Variants in DNAJC6 observed in about 807,000 individuals in gnomAD.
DNAJC6 encodes the protein DnaJ heat shock protein family (Hsp40) member C6.
Under a neutral mutation model 110.0 loss-of-function variants are expected in DNAJC6, and 34 were observed. The observed-to-expected ratio is 0.31, with a 90% CI of 0.24 to 0.41. The LOEUF (loss-of-function observed/expected upper bound fraction) is 0.41, where lower values mean the gene tolerates loss of function less well. DNAJC6 is among the 10% of genes least tolerant of loss of function. The probability of loss-of-function intolerance (pLI) is 1.00; values close to 1 mark genes in which losing one functional copy is unlikely to be tolerated. For missense variants in DNAJC6, 1,031 were observed against 1,207.8 expected (o/e 0.85, Z 2.17); for synonymous variants, 406 against 437.2 (o/e 0.93, Z 0.89).
chr1:65,379,130 A>C (rs1645794117), intron 4 of DNAJC6, among the ~76,000 whole-genome samples: 1 of 152,244 alleles, frequency 6.6e-6, no homozygotes, highest in Non-Finnish European at 1.5e-5. Flanking sequence ...GAATAGAAAA[A>C]AATCCAAGGA....
At chr1:65,322,259 T>A (rs2101418797) in intron 1 of DNAJC6, among the ~76,000 whole-genome samples, 1 of 152,276 alleles carries the variant, frequency 6.6e-6, no homozygotes, top group Non-Finnish European at 1.5e-5. Context: ...GTGATACAGG[T>A]TAATGAAAAG....
At chr1:65,394,827 A>C in intron 12 of DNAJC6, 71 bp from the exon 13 acceptor site, 6 of 1,502,786 alleles carry the variant, frequency 4.0e-6, no homozygotes, top group Non-Finnish European at 4.4e-6. Flanking sequence ...CCCTACAGGA[A>C]GTGACAATTC....
chr1:65,275,828 CTTG>C (rs1166867546), intron 1 of DNAJC6, among the ~76,000 whole-genome samples: 5 of 150,450 alleles, frequency 3.3e-5, no homozygotes, highest in Admixed American at 6.6e-5. Flanking sequence ...CTATGTTTAA[CTTG>C]TTGTTACAGA....
chr1:65,409,605 A>G (rs755402273), intron 17 of DNAJC6, among the ~76,000 whole-genome samples: 1 of 152,136 alleles, frequency 6.6e-6, no homozygotes, highest in African/African-American at 2.4e-5. Flanking sequence ...TGAAGCCCCC[A>G]GGATCTTTTC....
At chr1:65,366,238 A>C in intron 4 of DNAJC6, 42 bp downstream of exon 4, 1 of 1,604,940 alleles carries the variant, frequency 6.2e-7, no homozygotes, top group Non-Finnish European at 8.5e-7. Context: ...TGAAGACGTG[A>C]TGGTGCTTTT....
intron 13 of DNAJC6, among the ~76,000 whole-genome samples, chr1:65,396,479 G>C (rs907084888): frequency 6.6e-6 from 1 of 151,984 alleles, no homozygotes; most frequent in Non-Finnish European, 1.5e-5. Flanking sequence ...AGCTGTACTG[G>C]CCTCTTTGCT....
At chr1:65,343,117 C>A (rs1353275231) in intron 1 of DNAJC6, among the ~76,000 whole-genome samples, 1 of 152,188 alleles carries the variant, frequency 6.6e-6, no homozygotes, top group Non-Finnish European at 1.5e-5. Flanking sequence ...ATATACCACC[C>A]AGTTCTGTGA....
upstream of DNAJC6, among the ~76,000 whole-genome samples, chr1:65,309,310 C>T (rs1048631591): frequency 4.8e-5 from 7 of 146,554 alleles, no homozygotes; most frequent in Non-Finnish European, 1.1e-4. Flanking sequence ...CCCCTCCCTT[C>T]CTACCTCCCT....
intron 1 of DNAJC6, among the ~76,000 whole-genome samples, chr1:65,290,288 A>G (rs1263048325): frequency 1.3e-5 from 2 of 152,120 alleles, no homozygotes; most frequent in Non-Finnish European, 2.9e-5. Flanking sequence ...GTATTGGAAA[A>G]ATCTTCTGTC....
At chr1:65,373,090 A>G (rs114905590) in intron 4 of DNAJC6, among the ~76,000 whole-genome samples, 167 of 152,198 alleles carry the variant, frequency 1.1e-3, no homozygotes, top group Non-Finnish European at 2.0e-3. Flanking sequence ...GGGTTATTTC[A>G]GTTATAATGG....
At chr1:65,308,161 A>G (rs1645061986), upstream of DNAJC6, among the ~76,000 whole-genome samples, 1 of 152,178 alleles carries the variant, frequency 6.6e-6, no homozygotes, top group African/African-American at 2.4e-5. Context: ...GAAGTCTCTT[A>G]GATGCTATTG....
chr1:65,264,887 T>C, exon 1 of DNAJC6: 1 of 1,612,802 alleles, frequency 6.2e-7, no homozygotes, highest in South Asian at 1.1e-5. Context: ...CCTGCTCATT[T>C]GCAGCAGAGG....
intron 1 of DNAJC6, among the ~76,000 whole-genome samples, chr1:65,292,387 C>T (rs1412212419): frequency 5.3e-5 from 8 of 149,606 alleles, no homozygotes; most frequent in East Asian, 2.0e-4. Context: ...CTGGAAAACA[C>T]GTTTGTATTA....
In DNAJC6 at chr1:65,405,950, G is replaced by T. The variant is rs773936171; in HGVS notation, c.2308G>T (p.Ala770Ser). 6.2e-7 allele frequency: 1 copy of T among 1,614,064 alleles called. No homozygotes were observed. Among genetic ancestry groups the T allele is most frequent in the African/African-American group, 1.3e-5 (1 of 74,920 alleles). ...GFPPLSSPQK[A>S]SPQPMGGGWQ... ...CCCGCCTCTCAGCTCGCCACAGAAGGCGTCTCCCCAGCCTATGGGTGGCGG... is the reference window on the plus strand; with the variant it reads ...CCCGCCTCTCAGCTCGCCACAGAAGTCGTCTCCCCAGCCTATGGGTGGCGG... Residue 770 changes from alanine to serine, a missense_variant, in exon 16 of 19, where the codon GCG becomes TCG. Physicochemically the swap from Ala to Ser is moderately conservative, Grantham distance 99. Coordinates refer to ENST00000371069, the MANE Select transcript of DNAJC6 (RefSeq NM_001256864.2).
At chr1:65,306,969 TG>T (rs1171715304), upstream of DNAJC6, among the ~76,000 whole-genome samples, 49 of 122,296 alleles carry the variant, frequency 4.0e-4, no homozygotes, top group African/African-American at 1.6e-3. Flanking sequence ...TCTCTCAATC[TG>T]TTTCTCTCTC....
At chr1:65,352,488 G>GAC (rs776013544) in intron 1 of DNAJC6, among the ~76,000 whole-genome samples, 5 of 152,174 alleles carry the variant, frequency 3.3e-5, no homozygotes, top group Non-Finnish European at 7.3e-5. Flanking sequence ...ACCTCTTTGA[G>GAC]ACACAGTTCC....
At position 65,389,291 on chromosome 1, in the gene DNAJC6, A is replaced by G; in HGVS notation, c.1229A>G (p.Tyr410Cys). 1 of 1,614,116 alleles carries G rather than the reference A, an allele frequency of 6.2e-7. No homozygotes were observed. The highest frequency in any genetic ancestry group is 8.5e-7 in the Non-Finnish European group (1 of 1,180,006). The change falls in exon 10 of 19, where the codon TAT becomes TGT. Residue 410 changes from tyrosine to cysteine, a missense_variant. Coordinates refer to ENST00000371069, the MANE Select transcript of DNAJC6 (RefSeq NM_001256864.2). Reference protein sequence around the residue: ...ELDACDVPEKYPQLFQVTLDV... With the variant: ...ELDACDVPEKCPQLFQVTLDV... Reference sequence around the variant, plus strand: ...GATGCATGTGATGTACCAGAAAAATATCCTCAGCTATTTCAGGTGACACTG... The same window carrying G: ...GATGCATGTGATGTACCAGAAAAATGTCCTCAGCTATTTCAGGTGACACTG...
chr1:65,385,454 T>A (rs992421716), intron 6 of DNAJC6, among the ~76,000 whole-genome samples: 2 of 152,182 alleles, frequency 1.3e-5, no homozygotes, highest in African/African-American at 4.8e-5. Flanking sequence ...AATATTGAAG[T>A]ACTATAAAAT....
At chr1:65,348,093 G>A (rs1645454832) in intron 1 of DNAJC6, among the ~76,000 whole-genome samples, 1 of 152,186 alleles carries the variant, frequency 6.6e-6, no homozygotes, top group African/African-American at 2.4e-5. Flanking sequence ...TGCAGTTAGA[G>A]CAATATTTGT....
Sources: allele counts gnomAD v4.1 joint callset (sites outside exome capture counted in the v4.1 genomes callset), GRCh38; gene constraint gnomAD v4.1.1; transcripts MANE v1.5; gene names NCBI Gene and HGNC (gene_info 2026-07-23, HGNC 2026-07-21).